TRNT1: variants seen among roughly 807,000 people sequenced by gnomAD.
TRNT1 encodes the protein CCA tRNA nucleotidyltransferase 1, mitochondrial.
TRNT1 carries 44 observed loss-of-function variants against 45.6 expected under a neutral mutation model. The observed-to-expected ratio is 0.97, with a 90% CI of 0.76 to 1.24. TRNT1 has a LOEUF of 1.24. TRNT1 is among the 50% of genes most tolerant of loss of function. The pLI, the probability that TRNT1 is intolerant of heterozygous loss-of-function variation, is 0.00. For synonymous variants in TRNT1, 201 were observed against 171.4 expected (o/e 1.17, Z -1.35); for missense variants, 633 against 504.4 (o/e 1.25, Z -2.44).
At chr3:3,129,827 C>G in intron 2 of TRNT1, 1 of 1,536,426 alleles carries the variant, frequency 6.5e-7, no homozygotes. Context: ...GCCTGTGTTT[C>G]TGTAACTACT....
chr3:3,139,912 A>G (rs1705541017), intron 3 of TRNT1, among the ~76,000 whole-genome samples: 1 of 152,058 alleles, frequency 6.6e-6, no homozygotes, highest in African/African-American at 2.4e-5. Flanking sequence ...TATGTTTGGT[A>G]GAGATGGGGT....
chr3:3,147,990 T>C lies in TRNT1; in HGVS notation c.1141T>C (p.Trp381Arg). ...CTGTCTCCTAAAGGAAATGCAGCAG[T>C]GGTCCATTCCTCCATTTCCTGTAAG... is the stretch of plus-strand genomic sequence containing the variant. ...EHCLLKEMQQ[W>R]SIPPFPVSGH... The change falls in exon 8 of 8, where the codon TGG becomes CGG. Residue 381 changes from tryptophan to arginine, a missense_variant. Coordinates refer to ENST00000251607, the MANE Select transcript of TRNT1 (RefSeq NM_182916.3). 5.6e-6 allele frequency: 9 copies of C among 1,614,006 alleles called. No homozygotes were observed. The South Asian group carries it at 9.9e-5, about 18-fold the overall frequency.
chr3:3,152,243 T>G (rs961625801), downstream of TRNT1, among the ~76,000 whole-genome samples: 3 of 151,716 alleles, frequency 2.0e-5, no homozygotes, highest in Non-Finnish European at 4.4e-5. Flanking sequence ...ACTCTTGCCT[T>G]CCAGGTTCAA....
intron 4 of TRNT1, among the ~76,000 whole-genome samples, chr3:3,143,131 A>G (rs960649820): frequency 2.6e-5 from 4 of 151,842 alleles, no homozygotes; most frequent in Non-Finnish European, 5.9e-5. Context: ...TAGATCACTG[A>G]CCTCCCCATT....
chr3:3,140,590 AACTG>A lies in TRNT1; in HGVS notation c.428_431del (p.Asp143GlyfsTer12), dbSNP rs1401711549. Reference sequence around the variant, plus strand: ...GAAGACATGCTGAGGTAGAATTTACAACTGACTGGCAGAAAGATGCGGAACGCAG... The same window carrying A: ...GAAGACATGCTGAGGTAGAATTTACAACTGGCAGAAAGATGCGGAACGCAG... On this transcript the variant is annotated frameshift_variant, in exon 4 of 8. Coordinates refer to ENST00000251607, the MANE Select transcript of TRNT1 (RefSeq NM_182916.3). LOFTEE classifies it high-confidence loss of function. The A allele has an allele frequency of 1.9e-6, 3 of 1,614,098 alleles. No individual in the cohort carries two copies. The highest frequency in any genetic ancestry group is 2.5e-6 in the Non-Finnish European group (3 of 1,180,030).
At chr3:3,138,569 A>G (rs1705461262) in intron 3 of TRNT1, among the ~76,000 whole-genome samples, 1 of 151,744 alleles carries the variant, frequency 6.6e-6, no homozygotes, top group African/African-American at 2.4e-5. Context: ...TTCCTTTGGA[A>G]ACTCTTATTA....
At position 3,146,436 on chromosome 3, in the gene TRNT1, T is replaced by C; in HGVS notation, c.615T>C (p.Tyr205=). 1.9e-6 allele frequency: 3 copies of C among 1,608,290 alleles called. No individual in the cohort carries two copies. Among genetic ancestry groups the C allele is most frequent in the Non-Finnish European group, 2.5e-6 (3 of 1,178,220 alleles). ...TGAAGATTTTGTCTTGTAGGTTTTA[T>C]GGGAGAATTGTAGACAAACCTGGTG... ...YLRILRYFRF[Y]GRIVDKPGDH... is the part of the protein sequence containing the mutation. Residue 205 remains tyrosine (Y), a synonymous_variant, in exon 6 of 8, where the codon TAT becomes TAC. Transcript: ENST00000251607.
chr3:3,140,816 G>T (rs334760), intron 4 of TRNT1, 168 bp downstream of exon 4: 1 of 771,348 alleles, frequency 1.3e-6, no homozygotes, highest in Non-Finnish European at 2.0e-6. Flanking sequence ...GGCACGGTGG[G>T]TCACGCCTGT....
chr3:3,144,461 G>A (rs1705853388), intron 4 of TRNT1, 123 bp from the exon 5 acceptor site: 1 of 937,298 alleles, frequency 1.1e-6, no homozygotes, highest in Non-Finnish European at 1.6e-6. Context: ...ATACGTATGT[G>A]TTTTAATAAC....
At position 3,137,391 on chromosome 3, in the gene TRNT1, C is replaced by A; in HGVS notation, c.280C>A (p.Gln94Lys). ...ATPTQMKEMF[Q>K]SAGIRMINNR... is the part of the protein sequence containing the mutation. ...CCCTACTCAAATGAAGGAGATGTTT[C>A]AGTCGGCTGGGATTCGGATGATAAA... Residue 94 changes from glutamine to lysine, a missense_variant, in exon 3 of 8, where the codon CAG becomes AAG. By Grantham distance (53) the Gln-to-Lys change is moderately conservative (BLOSUM62 1). Transcript: ENST00000251607. 6.2e-7 allele frequency: 1 copy of A among 1,613,904 alleles called. No homozygotes were observed.
chr3:3,143,362 T>C (rs1432637278), intron 4 of TRNT1, among the ~76,000 whole-genome samples: 6 of 152,196 alleles, frequency 3.9e-5, no homozygotes, highest in Non-Finnish European at 5.9e-5. Flanking sequence ...TAAAATTAGT[T>C]TTATGTCACT....
intron 2 of TRNT1, chr3:3,131,330 A>G (rs1705004746): frequency 6.6e-6 from 1 of 152,178 alleles, no homozygotes; most frequent in African/African-American, 2.4e-5. Flanking sequence ...GCCTCTTGGA[A>G]GAAGGAGTAG....
At position 3,148,427 on chromosome 3, in the gene TRNT1, G is replaced by A; in HGVS notation, c.*273G>A. 1 of 261,768 alleles carries A rather than the reference G, an allele frequency of 3.8e-6. No homozygotes were observed. The highest frequency in any genetic ancestry group is 8.1e-5 in the South Asian group (1 of 12,366). 16.2% of individuals were successfully genotyped at this position (261,768 alleles called of 1,614,324 possible). ...GCTATTATCTATCTTAACCTGTTCA[G>A]GCTTTTAAAAAAAACTGTTTTTGCA... On this transcript the variant is annotated 3_prime_UTR_variant, in exon 8 of 8. Transcript: ENST00000251607.
At chr3:3,136,542 T>C in intron 2 of TRNT1, 1 of 389,640 alleles carries the variant, frequency 2.6e-6, no homozygotes, top group Non-Finnish European at 5.0e-6. Context: ...GTGAACATCC[T>C]GCCTCAACAT....
downstream of TRNT1, chr3:3,152,861 A>G (rs1706676650): frequency 1.1e-5 from 5 of 465,286 alleles, no homozygotes; most frequent in African/African-American, 7.8e-5. Context: ...CAGACATTGT[A>G]AAGAATATAA....
chr3:3,149,410 G>GTAGTATAGTATATGTGTGT, downstream of TRNT1: 1 of 152,036 alleles, frequency 6.6e-6, no homozygotes, highest in Non-Finnish European at 1.5e-5. Flanking sequence ...ATTTTCAGTA[G>GTAGTATAGTATATGTGTGT]TAGTATAGTA....
downstream of TRNT1, among the ~76,000 whole-genome samples, chr3:3,152,155 T>TTTG (rs1254224986): frequency 6.7e-6 from 1 of 149,266 alleles, no homozygotes; most frequent in African/African-American, 2.5e-5. Flanking sequence ...AATAAATTTT[T>TTTG]TTTTTTTTTT....
chr3:3,130,329 C>G (rs1436014710), intron 2 of TRNT1: 2 of 210,496 alleles, frequency 9.5e-6, no homozygotes, highest in Non-Finnish European at 9.8e-6. Context: ...CAAGTTAATT[C>G]TGATGCACAG....
intron 6 of TRNT1, among the ~76,000 whole-genome samples, chr3:3,147,112 A>C (rs527702891): frequency 1.3e-5 from 2 of 152,152 alleles, no homozygotes; most frequent in African/African-American, 4.8e-5. Context: ...TTTCAGTAAC[A>C]TTACTGAATG....
Sources: gnomAD v4.1 joint callset for allele counts (sites outside exome capture counted in the v4.1 genomes callset) on GRCh38, gnomAD v4.1.1 for gene constraint, MANE v1.5 for transcripts, NCBI Gene and HGNC (gene_info 2026-07-23, HGNC 2026-07-21) for gene names.